SLC25A53: variants seen among roughly 807,000 people sequenced by gnomAD.
SLC25A53 encodes mitochondrial carrier triple repeat protein 6.
A neutral mutation model predicts 15.0 loss-of-function variants in SLC25A53; 5 were observed. The ratio of observed to expected loss-of-function variants is 0.33; its 90% CI spans 0.17 to 0.70. The LOEUF (loss-of-function observed/expected upper bound fraction) is 0.70. Among genes scored for constraint, SLC25A53 ranks in the 30% least tolerant of loss-of-function variants. The pLI is 0.67. For synonymous variants in SLC25A53, 95 were observed against 100.0 expected (o/e 0.95, Z 0.30); for missense variants, 216 against 241.6 (o/e 0.89, Z 0.70).
intron 1 of SLC25A53, among the ~76,000 whole-genome samples, chrX:104,131,570 A>T (rs1356308442): frequency 9.0e-6 from 1 of 110,661 alleles, no homozygotes; most frequent in Admixed American, 9.6e-5. Context: ...TTGGAATTGG[A>T]CCCTATTGAC....
At chrX:104,118,359 A>T (rs1045256964) in intron 1 of SLC25A53, among the ~76,000 whole-genome samples, 2 of 111,355 alleles carry the variant, frequency 1.8e-5, no homozygotes, top group Non-Finnish European at 3.8e-5. Context: ...CATCCATCTC[A>T]TGGTTTCCCT....
In SLC25A53 at chrX:104,116,492, T is replaced by TGGAGGAGA. The variant is rs1487871289; in HGVS notation, c.-31-11205_-31-11204insTCTCCTCC. On this transcript the variant is annotated intron_variant, in intron 1 of 1. Coordinates refer to ENST00000594199, the MANE Select transcript of SLC25A53 (RefSeq NM_001012755.5). Reference sequence around the variant, plus strand: ...GGAAAGGAGCACAGAGCTATGTAGGTGGAGGACAGGAGGACAGGGGAGAGG... The same window carrying TGGAGGAGA: ...GGAAAGGAGCACAGAGCTATGTAGGTGGAGGAGAGGAGGACAGGAGGACAGGGGAGAGG... 2.7e-5 allele frequency among the ~76,000 whole-genome samples: 3 copies of TGGAGGAGA among 109,162 alleles called. No homozygotes were observed. The South Asian group carries it at 1.2e-3, about 43-fold the overall frequency. 94.8% of individuals were successfully genotyped at this position (109,162 alleles called of 115,157 possible).
intron 1 of SLC25A53, among the ~76,000 whole-genome samples, chrX:104,144,067 A>G (rs1378272708): frequency 8.9e-6 from 1 of 111,822 alleles, no homozygotes; most frequent in Non-Finnish European, 1.9e-5. Flanking sequence ...TTTTGTCACC[A>G]TCAGGCCTGC....
intron 1 of SLC25A53, among the ~76,000 whole-genome samples, chrX:104,138,604 T>C (rs1349455870): frequency 2.7e-5 from 3 of 112,729 alleles, no homozygotes; most frequent in Non-Finnish European, 5.6e-5. Context: ...GACAGAGAGC[T>C]TTCTGTATCC....
intron 1 of SLC25A53, chrX:104,113,514 C>T (rs1253031657): frequency 8.9e-6 from 1 of 111,853 alleles, no homozygotes; most frequent in Non-Finnish European, 1.9e-5. Flanking sequence ...TTTCTCACGG[C>T]AGGCACCTGT....
In SLC25A53 at chrX:104,100,482, T is replaced by C. The variant is rs2075275794; in HGVS notation, c.*3852A>G. 1 of 111,961 alleles carries C rather than the reference T, an allele frequency of 8.9e-6. No individual in the cohort carries two copies. Among genetic ancestry groups the C allele is most frequent in the Non-Finnish European group, 1.9e-5 (1 of 53,195 alleles). 9.2% of individuals were successfully genotyped at this position (111,961 alleles called of 1,213,427 possible). ...ACATCACTAAACTAAATATTAACATTGACATTTAAAATTACTTGAAAACGA... is the reference window on the plus strand; with the variant it reads ...ACATCACTAAACTAAATATTAACATCGACATTTAAAATTACTTGAAAACGA... On this transcript the variant is annotated 3_prime_UTR_variant, in exon 2 of 2. Coordinates refer to ENST00000594199, the MANE Select transcript of SLC25A53 (RefSeq NM_001012755.5).
chrX:104,107,445 C>G (rs1556356598), intron 1 of SLC25A53, among the ~76,000 whole-genome samples: 1 of 112,264 alleles, frequency 8.9e-6, no homozygotes, highest in African/African-American at 3.2e-5. Flanking sequence ...CTTTGGGCCA[C>G]CTCTGGCCCC....
chrX:104,124,191 C>T (rs782749401), intron 1 of SLC25A53, among the ~76,000 whole-genome samples: 247 of 111,780 alleles, frequency 2.2e-3, no homozygotes, highest in Non-Finnish European at 3.8e-3. Flanking sequence ...AGTGTAAAAG[C>T]GTTCCTATTT....
intron 1 of SLC25A53, among the ~76,000 whole-genome samples, chrX:104,146,924 A>C (rs1281753582): frequency 3.6e-5 from 4 of 111,555 alleles, no homozygotes; most frequent in African/African-American, 9.8e-5. Flanking sequence ...GCTACCAATG[A>C]CTTTCTTCAC....
Position 104,104,789 on chromosome X carries a change from T to C in SLC25A53, c.469A>G (p.Ile157Val), listed in dbSNP as rs1556354977. Residue 157 changes from isoleucine to valine, a missense_variant, in exon 2 of 2, where the codon ATT becomes GTT. Coordinates refer to ENST00000594199, the MANE Select transcript of SLC25A53 (RefSeq NM_001012755.5). ...KQARFPSTFS[I>V]LKEFNSYGLW... ...CCATAAGAATTGAATTCCTTGAGAA[T>C]GCTGAAGGTGCTGGGGAAGCGAGCT... 3 of 1,209,725 alleles carry C rather than the reference T, an allele frequency of 2.5e-6. No individual in the cohort carries two copies. Among genetic ancestry groups the C allele is most frequent in the Non-Finnish European group, 3.4e-6 (3 of 895,221 alleles).
intron 1 of SLC25A53, among the ~76,000 whole-genome samples, chrX:104,135,372 G>C (rs2075434180): frequency 9.1e-6 from 1 of 109,294 alleles, no homozygotes; most frequent in Non-Finnish European, 1.9e-5. Flanking sequence ...CACACCCCCT[G>C]AATAGACACC....
intron 1 of SLC25A53, among the ~76,000 whole-genome samples, chrX:104,108,603 T>C (rs1256924436): frequency 1.8e-5 from 2 of 111,219 alleles, no homozygotes; most frequent in South Asian, 3.9e-4. Flanking sequence ...ATTCAAAGTA[T>C]AGACCACAGA....
intron 1 of SLC25A53, chrX:104,114,718 C>G: frequency 8.3e-7 from 1 of 1,211,832 alleles, no homozygotes; most frequent in African/African-American, 1.7e-5. Context: ...TGCAAATAAG[C>G]AGGAGCGGCT....
intron 1 of SLC25A53, among the ~76,000 whole-genome samples, chrX:104,118,867 G>A (rs1474001081): frequency 1.1e-4 from 12 of 112,486 alleles, no homozygotes; most frequent in South Asian, 3.7e-4. Context: ...TGGCTTGTGC[G>A]CCATACACAA....
intron 1 of SLC25A53, among the ~76,000 whole-genome samples, chrX:104,128,887 T>C (rs2075418280): frequency 9.0e-6 from 1 of 111,523 alleles, no homozygotes; most frequent in African/African-American, 3.3e-5. Context: ...AAGCCACTGC[T>C]CCTAGTGGAA....
At chrX:104,129,951 G>A (rs1361261793) in intron 1 of SLC25A53, among the ~76,000 whole-genome samples, 1 of 107,964 alleles carries the variant, frequency 9.3e-6, no homozygotes, top group East Asian at 2.9e-4. Context: ...ATAAGTATAT[G>A]GGGATTCATT....
At chrX:104,114,469 G>A in intron 1 of SLC25A53, 1 of 1,211,851 alleles carries the variant, frequency 8.3e-7, no homozygotes. Flanking sequence ...AATGAAATTG[G>A]TGTTTGGGGA....
chrX:104,137,911 A>G (rs2075440889), intron 1 of SLC25A53, among the ~76,000 whole-genome samples: 1 of 112,574 alleles, frequency 8.9e-6, no homozygotes, highest in African/African-American at 3.2e-5. Flanking sequence ...TAGACCAAAA[A>G]AAACAAAACA....
At chrX:104,126,448 G>A (rs2075411244) in intron 1 of SLC25A53, among the ~76,000 whole-genome samples, 2 of 111,567 alleles carry the variant, frequency 1.8e-5, no homozygotes, top group South Asian at 7.5e-4. Context: ...GAGGCCAGGG[G>A]TTTGAGATAA....
Sources: allele counts gnomAD v4.1 joint callset (sites outside exome capture counted in the v4.1 genomes callset), GRCh38; gene constraint gnomAD v4.1.1; transcripts MANE v1.5; gene names NCBI Gene and HGNC (gene_info 2026-07-23, HGNC 2026-07-21).